The following FRMD5 variants were observed in gnomAD, a reference collection of about 807,000 sequenced individuals.
FRMD5 encodes FERM domain-containing protein 5.
In FRMD5, 20 loss-of-function variants were observed where a neutral mutation model predicts 69.0. That is an observed-to-expected ratio of 0.29 (90% CI 0.20 to 0.42). FRMD5 has a LOEUF of 0.42. Ranked by LOEUF, FRMD5 falls within the 10% of genes least tolerant of loss-of-function variation. FRMD5 has a pLI of 1.00. For synonymous variants in FRMD5, 271 were observed against 260.1 expected (o/e 1.04, Z -0.40); for missense variants, 595 against 708.6 (o/e 0.84, Z 1.82).
chr15:44,192,783 A>G (rs990574000), intron 1 of FRMD5, among the ~76,000 whole-genome samples: 1 of 152,244 alleles, frequency 6.6e-6, no homozygotes, highest in Non-Finnish European at 1.5e-5. Context: ...ACAACATTAC[A>G]TATACTTAAC....
At chr15:43,906,792 G>A (rs914393796) in intron 5 of FRMD5, among the ~76,000 whole-genome samples, 24 of 141,624 alleles carry the variant, frequency 1.7e-4, no homozygotes, top group South Asian at 6.4e-4. Context: ...TAGTAGAGAC[G>A]GGGTTTCACC....
Position 44,112,891 on chromosome 15 carries a change from G to A in FRMD5, c.102+82062C>T, listed in dbSNP as rs1007513971. Among the ~76,000 whole-genome samples, 127 of 152,010 alleles carry A rather than the reference G, an allele frequency of 8.4e-4. 1 individual carries two copies. The highest frequency in any genetic ancestry group is 3.0e-3 in the African/African-American group (125 of 41,458). On this transcript the variant is annotated intron_variant, in intron 1 of 13. Transcript: ENST00000417257. ...ACTACAGGCATGAGCCACCACACTCGGCCACCTTCACTGATTTTTTCCTTT... is the reference window on the plus strand; with the variant it reads ...ACTACAGGCATGAGCCACCACACTCAGCCACCTTCACTGATTTTTTCCTTT...
At chr15:43,939,802 C>T (rs571147816) in intron 1 of FRMD5, among the ~76,000 whole-genome samples, 5 of 152,114 alleles carry the variant, frequency 3.3e-5, no homozygotes, top group Admixed American at 1.3e-4. Context: ...CGCAAGTGAT[C>T]CACTTACCTC....
At chr15:44,017,350 A>C (rs915444140) in intron 1 of FRMD5, among the ~76,000 whole-genome samples, 13 of 151,740 alleles carry the variant, frequency 8.6e-5, no homozygotes, top group African/African-American at 2.7e-4. Context: ...AAAAAAAAAA[A>C]CAAAAACCAT....
Position 43,919,813 on chromosome 15 carries a change from A to T in FRMD5, c.208-4T>A, listed in dbSNP as rs1042881449. On this transcript the variant is annotated splice_polypyrimidine_tract_variant and splice_region_variant and intron_variant, in intron 2 of 13. Transcript: ENST00000417257. The stretch of plus-strand genomic sequence containing the variant: ...ACTTTGTAAATTCCAGCCAATGCTG[A>T]AACAGAGAACACAGAACATGAAAAC... 4 of 1,613,322 alleles carry T rather than the reference A, an allele frequency of 2.5e-6. No individual in the cohort carries two copies. The highest frequency in any genetic ancestry group is 3.4e-6 in the Non-Finnish European group (4 of 1,179,326).
chr15:44,121,280 G>A (rs529680766), intron 1 of FRMD5, among the ~76,000 whole-genome samples: 7 of 133,748 alleles, frequency 5.2e-5, no homozygotes, highest in Admixed American at 8.1e-5. Flanking sequence ...GCAGGGGGGT[G>A]GGAGGGGGAG....
In FRMD5 at chr15:44,133,447, G is replaced by T. The variant is rs183146981; in HGVS notation, c.102+61506C>A. Among the ~76,000 whole-genome samples, 336 of 150,718 alleles carry T rather than the reference G, an allele frequency of 2.2e-3. 8 individuals are homozygous for T. The East Asian group carries it at 0.058, about 26-fold the overall frequency. ...AAAAATTAGCCAGGCGTGGTGGCAG[G>T]TGCTTGTAGTCCCAGCTACTTGGGA... On this transcript the variant is annotated intron_variant, in intron 1 of 13. Transcript: ENST00000417257.
chr15:43,989,603 G>A (rs537694500), intron 1 of FRMD5: 1 of 856,054 alleles, frequency 1.2e-6, no homozygotes, highest in African/African-American at 1.7e-5. Context: ...GCTGTGCTAG[G>A]TGAGGACCTT....
intron 1 of FRMD5, among the ~76,000 whole-genome samples, chr15:44,128,077 T>A (rs1199544870): frequency 6.6e-6 from 1 of 152,162 alleles, no homozygotes; most frequent in African/African-American, 2.4e-5. Context: ...ACAGACAGAA[T>A]CATGGCAGTT....
Position 44,069,332 on chromosome 15 carries a change from T to G in FRMD5, c.102+125621A>C, listed in dbSNP as rs1893435601. Among the ~76,000 whole-genome samples, 3 of 152,158 alleles carry G rather than the reference T, an allele frequency of 2.0e-5. No individual in the cohort carries two copies. In the South Asian group the frequency reaches 6.2e-4, roughly 32 times the overall value. ...CTAGCATTACATTCCTAGGCATTTA[T>G]CCCAAAGAAATGAAAACCTATGCTC... On this transcript the variant is annotated intron_variant, in intron 1 of 13. Coordinates refer to ENST00000417257, the MANE Select transcript of FRMD5 (RefSeq NM_032892.5).
intron 1 of FRMD5, among the ~76,000 whole-genome samples, chr15:44,024,356 G>A (rs1239669096): frequency 6.6e-6 from 1 of 152,060 alleles, no homozygotes; most frequent in Non-Finnish European, 1.5e-5. Flanking sequence ...GAGTCACAGG[G>A]TATGATAACC....
intron 1 of FRMD5, among the ~76,000 whole-genome samples, chr15:43,936,393 G>A (rs2089761428): frequency 1.3e-5 from 2 of 152,126 alleles, no homozygotes; most frequent in Non-Finnish European, 1.5e-5. Flanking sequence ...GTCTCCCTAT[G>A]TTGCCCAGGC....
intron 7 of FRMD5, among the ~76,000 whole-genome samples, chr15:43,897,907 C>T (rs2140388407): frequency 6.6e-6 from 1 of 151,826 alleles, no homozygotes; most frequent in East Asian, 1.9e-4. Flanking sequence ...AAAAGTATGG[C>T]ATCTCCCCCC....
At chr15:43,923,157 A>G (rs970702576) in intron 2 of FRMD5, among the ~76,000 whole-genome samples, 10 of 152,226 alleles carry the variant, frequency 6.6e-5, no homozygotes, top group Non-Finnish European at 1.5e-4. Context: ...ATACAACACT[A>G]TAAGCCATTA....
chr15:43,898,229 A>G (rs1230691689), intron 7 of FRMD5, among the ~76,000 whole-genome samples: 1 of 152,180 alleles, frequency 6.6e-6, no homozygotes, highest in East Asian at 1.9e-4. Flanking sequence ...ACTGAGACTC[A>G]GATAACCCTG....
intron 1 of FRMD5, among the ~76,000 whole-genome samples, chr15:43,994,640 C>G (rs1472360424): frequency 6.6e-6 from 1 of 152,150 alleles, no homozygotes; most frequent in East Asian, 1.9e-4. Flanking sequence ...CCATGTTGGC[C>G]AGGCTGGTCT....
intron 1 of FRMD5, among the ~76,000 whole-genome samples, chr15:44,084,235 A>G (rs1244980614): frequency 2.0e-5 from 3 of 152,008 alleles, no homozygotes; most frequent in Non-Finnish European, 4.4e-5. Context: ...ACCTATCTTT[A>G]CATTATACAT....
At chr15:44,063,277 T>A (rs1003832351) in intron 1 of FRMD5, among the ~76,000 whole-genome samples, 2 of 152,238 alleles carry the variant, frequency 1.3e-5, no homozygotes, top group African/African-American at 4.8e-5. Flanking sequence ...CAGTTATCTT[T>A]TTCTTCCTGG....
At chr15:44,093,709 A>C (rs979894496) in intron 1 of FRMD5, among the ~76,000 whole-genome samples, 1 of 151,742 alleles carries the variant, frequency 6.6e-6, no homozygotes, top group Non-Finnish European at 1.5e-5. Context: ...AGTAGCTGGG[A>C]CTACAGGTGC....
Sources: allele counts gnomAD v4.1 joint callset (sites outside exome capture counted in the v4.1 genomes callset), GRCh38; gene constraint gnomAD v4.1.1; transcripts MANE v1.5; gene names NCBI Gene and HGNC (gene_info 2026-07-23, HGNC 2026-07-21).